Variants in POLR3GL observed in about 807,000 individuals in gnomAD.
POLR3GL encodes RNA polymerase III subunit GL.
Under a neutral mutation model 32.4 loss-of-function variants are expected in POLR3GL, and 26 were observed. That is an observed-to-expected ratio of 0.80 (90% CI 0.59 to 1.11). The LOEUF (loss-of-function observed/expected upper bound fraction) is 1.11. Among genes scored for constraint, POLR3GL ranks in the 50% most tolerant of loss-of-function variants. The pLI is 0.00. For missense variants in POLR3GL, 229 were observed against 280.1 expected, an observed-to-expected ratio of 0.82 and a Z score of 1.30; for synonymous variants, 95 against 98.7, an observed-to-expected ratio of 0.96 and a Z score of 0.22.
intron 4 of POLR3GL, 147 bp from the exon 5 acceptor site, chr1:145,977,336 T>TTAG: frequency 1.2e-6 from 1 of 858,514 alleles, no homozygotes; most frequent in Non-Finnish European, 1.9e-6. Context: ...TTCCCACTAC[T>TTAG]CAGGAGATAT....
chr1:145,972,015 T>TATAC (rs1283594624), intron 1 of POLR3GL, among the ~76,000 whole-genome samples: 5 of 130,250 alleles, frequency 3.8e-5, no homozygotes, highest in African/African-American at 1.2e-4. Flanking sequence ...TATATATACG[T>TATAC]GTGTGTGTGT....
intron 5 of POLR3GL, 59 bp downstream of exon 5, chr1:145,977,598 C>G (rs113850145): frequency 8.0e-6 from 12 of 1,493,232 alleles, no homozygotes; most frequent in African/African-American, 6.9e-5. Context: ...GCCTGAGGGC[C>G]GAGGCTGCTG....
intron 4 of POLR3GL, 85 bp from the exon 5 acceptor site, chr1:145,977,398 C>A: frequency 7.4e-7 from 1 of 1,359,868 alleles, no homozygotes; most frequent in Non-Finnish European, 1.0e-6. Flanking sequence ...TCCTTTAAAA[C>A]CCTCACCCCC....
At chr1:145,966,462 C>T (rs1382219700) in intron 1 of POLR3GL, among the ~76,000 whole-genome samples, 18 of 131,638 alleles carry the variant, frequency 1.4e-4, no homozygotes, top group African/African-American at 2.4e-4. Context: ...TCAGCCTAAG[C>T]GACAGAGCAA....
At chr1:145,975,167 T>G in intron 2 of POLR3GL, 140 bp from the exon 3 acceptor site, 2 of 1,329,950 alleles carry the variant, frequency 1.5e-6, no homozygotes, top group Non-Finnish European at 2.0e-6. Context: ...CTCCCCAGCT[T>G]TCAAAATAAT....
chr1:145,975,009 C>G lies in POLR3GL; in HGVS notation c.126+18C>G. 4.0e-6 allele frequency: 6 copies of G among 1,507,856 alleles called. No homozygotes were observed. Among genetic ancestry groups the G allele is most frequent in the Non-Finnish European group, 5.3e-6 (6 of 1,130,876 alleles). The allele number at this position is 1,507,856 out of a possible 1,614,324, so 93.4% of individuals were successfully genotyped here. ...TCTTCCCTGTGAGTCTCTCCACTCC[C>G]TTCCCAGACTCTCATGTGCCCCTGG... On this transcript the variant is annotated intron_variant, in intron 2 of 7. Transcript: ENST00000369314.
chr1:145,975,828 C>T (rs1470808801), intron 3 of POLR3GL, among the ~76,000 whole-genome samples: 14 of 152,108 alleles, frequency 9.2e-5, no homozygotes, highest in Admixed American at 8.5e-4. Context: ...TGAGCCACTG[C>T]GCCCAGCAAA....
intron 1 of POLR3GL, among the ~76,000 whole-genome samples, chr1:145,971,980 AAAAAAAAAAATATAT>A (rs1650327601): frequency 3.1e-5 from 4 of 127,906 alleles, no homozygotes; most frequent in African/African-American, 1.3e-4. Flanking sequence ...AAAAAAAAAA[AAAAAAAAAAATATAT>A]ATATATATAT....
chr1:145,978,525 C>A lies in POLR3GL; in HGVS notation c.*78C>A. 2 of 942,536 alleles carry A rather than the reference C, an allele frequency of 2.1e-6. No individual in the cohort carries two copies. Among genetic ancestry groups the A allele is most frequent in the Non-Finnish European group, 3.4e-6 (2 of 584,688 alleles). The allele number at this position is 942,536 out of a possible 1,614,324, so 58.4% of individuals were successfully genotyped here. A position where few individuals can be genotyped will look rare whatever the true frequency, so the allele number is the denominator to read the frequency against. ...CCTATTATTTGTTTCTTCAGACAAGCAAATCATTTGGTCAGAGTTCATATA... is the reference window on the plus strand; with the variant it reads ...CCTATTATTTGTTTCTTCAGACAAGAAAATCATTTGGTCAGAGTTCATATA... On this transcript the variant is annotated 3_prime_UTR_variant, in exon 8 of 8. Coordinates refer to ENST00000369314, the MANE Select transcript of POLR3GL (RefSeq NM_032305.3).
At chr1:145,977,422 C>A in intron 4 of POLR3GL, 61 bp from the exon 5 acceptor site, 1 of 1,499,928 alleles carries the variant, frequency 6.7e-7, no homozygotes, top group South Asian at 1.1e-5. Flanking sequence ...TAAAACCAGT[C>A]AGTATTCACT....
At chr1:145,970,715 T>C (rs1553762518) in intron 1 of POLR3GL, among the ~76,000 whole-genome samples, 1 of 146,144 alleles carries the variant, frequency 6.8e-6, no homozygotes, top group South Asian at 2.2e-4. Flanking sequence ...CTACTAAAAA[T>C]ACAAAAACAA....
Position 145,978,521 on chromosome 1 carries a change from C to T in POLR3GL, c.*74C>T, listed in dbSNP as rs1317088808. On this transcript the variant is annotated 3_prime_UTR_variant, in exon 8 of 8. Coordinates refer to ENST00000369314, the MANE Select transcript of POLR3GL (RefSeq NM_032305.3). ...TGTACCTATTATTTGTTTCTTCAGA[C>T]AAGCAAATCATTTGGTCAGAGTTCA... The T allele has an allele frequency of 1.2e-5, 12 of 961,614 alleles. No individual in the cohort carries two copies. The highest frequency in any genetic ancestry group is 2.0e-5 in the Non-Finnish European group (12 of 601,488). 59.6% of individuals were successfully genotyped at this position (961,614 alleles called of 1,614,324 possible). A position where few individuals can be genotyped will look rare whatever the true frequency, so the allele number is the denominator to read the frequency against.
chr1:145,970,355 C>A lies in POLR3GL; in HGVS notation c.-41-4470C>A, dbSNP rs190121656. On this transcript the variant is annotated intron_variant, in intron 1 of 7. Transcript: ENST00000369314. ...GAGATGGAATCTCACTATGTTGCCC[C>A]GGCTGGTCTCAAACTCCTGGACTTA... is the stretch of plus-strand genomic sequence containing the variant. Among the ~76,000 whole-genome samples, 467 of 152,100 alleles carry A rather than the reference C, an allele frequency of 3.1e-3. 6 individuals carry two copies. Among genetic ancestry groups the A allele is most frequent in the South Asian group, 0.028 (133 of 4,806 alleles).
chr1:145,969,167 T>G (rs587695165), intron 1 of POLR3GL, among the ~76,000 whole-genome samples: 287 of 152,270 alleles, frequency 1.9e-3, no homozygotes, highest in African/African-American at 6.7e-3. Context: ...GGTGTGATCA[T>G]AGCTCACTGC....
intron 3 of POLR3GL, 73 bp downstream of exon 3, chr1:145,975,509 G>A: frequency 1.3e-6 from 2 of 1,542,392 alleles, no homozygotes; most frequent in Non-Finnish European, 1.8e-6. Flanking sequence ...ACCACTGGGG[G>A]CCAGAGGGGC....
At chr1:145,974,527 G>T (rs1650462129) in intron 1 of POLR3GL, among the ~76,000 whole-genome samples, 1 of 152,122 alleles carries the variant, frequency 6.6e-6, no homozygotes, top group Non-Finnish European at 1.5e-5. Flanking sequence ...ATAAAGAAAT[G>T]CAGATAGAGA....
At chr1:145,976,637 G>A (rs587741549) in intron 3 of POLR3GL, among the ~76,000 whole-genome samples, 34 of 148,954 alleles carry the variant, frequency 2.3e-4, no homozygotes, top group Non-Finnish European at 4.0e-4. Flanking sequence ...ATAAGGGGCC[G>A]GGCGCAGTAA....
At chr1:145,978,165 G>A in intron 7 of POLR3GL, 69 bp downstream of exon 7, 1 of 1,553,180 alleles carries the variant, frequency 6.4e-7, no homozygotes, top group Non-Finnish European at 8.7e-7. Context: ...GCTCTCCTCA[G>A]AGGGTTGGCA....
intron 1 of POLR3GL, among the ~76,000 whole-genome samples, chr1:145,971,981 AAAAAAAAAATAT>A (rs1296500413): frequency 5.2e-3 from 656 of 127,170 alleles, no homozygotes; most frequent in Non-Finnish European, 9.1e-3. Flanking sequence ...AAAAAAAAAA[AAAAAAAAAATAT>A]ATATATATAT....
Sources: gnomAD v4.1 joint callset for allele counts (sites outside exome capture counted in the v4.1 genomes callset) on GRCh38, gnomAD v4.1.1 for gene constraint, MANE v1.5 for transcripts, NCBI Gene and HGNC (gene_info 2026-07-23, HGNC 2026-07-21) for gene names.